SLC30A6: variants seen among roughly 807,000 people sequenced by gnomAD.
SLC30A6 encodes the protein solute carrier family 30 member 6, also known as zinc transporter 6.
In SLC30A6, 55 loss-of-function variants were observed where a neutral mutation model predicts 63.0. The ratio of observed to expected loss-of-function variants is 0.87; its 90% CI spans 0.70 to 1.09. The LOEUF is 1.09. Ranked by LOEUF, SLC30A6 falls within the 50% of genes least tolerant of loss-of-function variation. The pLI, the probability that SLC30A6 is intolerant of heterozygous loss-of-function variation, is 0.00. For synonymous variants in SLC30A6, 224 were observed against 186.1 expected, an observed-to-expected ratio of 1.20 and a Z score of -1.66; for missense variants, 587 against 549.2, an observed-to-expected ratio of 1.07 and a Z score of -0.69.
rs573229375 is a variant in SLC30A6, at chr2:32,169,260, C to A, written c.4-2027C>A. 8.3e-4 allele frequency among the ~76,000 whole-genome samples: 127 copies of A among 152,236 alleles called. 1 individual carries two copies. The highest frequency in any genetic ancestry group is 2.9e-3 in the African/African-American group (122 of 41,550). On this transcript the variant is annotated intron_variant, in intron 1 of 13. Coordinates refer to ENST00000282587, the MANE Select transcript of SLC30A6 (RefSeq NM_017964.5). ...TGAACCTGGCTCACTGCTTGACTTC[C>A]CGGGCTCATGCGATCCTTCCACCTT...
intron 13 of SLC30A6, 131 bp downstream of exon 13, chr2:32,209,692 A>T (rs1685087197): frequency 5.6e-6 from 4 of 716,036 alleles, no homozygotes; most frequent in Non-Finnish European, 8.9e-6. Flanking sequence ...AGAGTCTAAA[A>T]TGTACATGAA....
intron 2 of SLC30A6, among the ~76,000 whole-genome samples, chr2:32,172,529 T>C (rs1376902815): frequency 6.6e-6 from 1 of 152,092 alleles, no homozygotes; most frequent in African/African-American, 2.4e-5. Flanking sequence ...CATTTTCTTT[T>C]ATATGTTCTC....
intron 5 of SLC30A6, among the ~76,000 whole-genome samples, chr2:32,190,788 C>G (rs554216218): frequency 6.6e-6 from 1 of 152,258 alleles, no homozygotes; most frequent in South Asian, 2.1e-4. Context: ...CCACGCCCAG[C>G]TAATTTTTTG....
chr2:32,172,287 C>G (rs1681298813), intron 2 of SLC30A6, among the ~76,000 whole-genome samples: 1 of 152,188 alleles, frequency 6.6e-6, no homozygotes, highest in Non-Finnish European at 1.5e-5. Flanking sequence ...AATTGAAACT[C>G]TGCCATATTT....
chr2:32,174,463 G>T (rs1681529547), intron 3 of SLC30A6, among the ~76,000 whole-genome samples: 1 of 151,536 alleles, frequency 6.6e-6, no homozygotes, highest in Admixed American at 6.6e-5. Flanking sequence ...AGAGTGCTGG[G>T]ATTACAGGCG....
Position 32,175,316 on chromosome 2 carries a change from CA to C in SLC30A6, c.176-2del. ...TTTTAATCATTTTTTTGTTGTTTTG[CA>C]GCTTTAACTGCCTATACTTACCTGA... On this transcript the variant is annotated splice_acceptor_variant, in intron 3 of 13. Coordinates refer to ENST00000282587, the MANE Select transcript of SLC30A6 (RefSeq NM_017964.5). LOFTEE classifies it high-confidence loss of function. 6.2e-7 allele frequency: 1 copy of C among 1,609,342 alleles called. No individual in the cohort carries two copies. Among genetic ancestry groups the C allele is most frequent in the Non-Finnish European group, 8.5e-7 (1 of 1,178,624 alleles).
chr2:32,166,354 C>T (rs1680652007), intron 1 of SLC30A6, among the ~76,000 whole-genome samples: 1 of 151,668 alleles, frequency 6.6e-6, no homozygotes, highest in Non-Finnish European at 1.5e-5. Flanking sequence ...ACGTCTCACT[C>T]TGCAACTTGG....
chr2:32,187,076 C>T (rs545413557), intron 5 of SLC30A6: 11 of 403,176 alleles, frequency 2.7e-5, no homozygotes, highest in African/African-American at 6.3e-5. Context: ...ATTTATGTAA[C>T]CAAACTACTG....
In SLC30A6 at chr2:32,218,334, T is replaced by C. The variant is rs75666094; in HGVS notation, c.886-1879T>C. ...TTTTTCAAGTTAACAAATATACTTC[T>C]AACTCTCATTGTAATGCCTGGTGTT... On this transcript the variant is annotated intron_variant, in intron 13 of 13. Transcript: ENST00000282587. 6.0e-3 allele frequency among the ~76,000 whole-genome samples: 909 copies of C among 152,336 alleles called. 11 individuals carry two copies. The highest frequency in any genetic ancestry group is 0.02 in the African/African-American group (850 of 41,580).
chr2:32,171,418 A>T (rs765112957), intron 2 of SLC30A6, 45 bp downstream of exon 2: 4 of 1,425,006 alleles, frequency 2.8e-6, no homozygotes, highest in Middle Eastern at 3.5e-4. Flanking sequence ...CACAAACAAC[A>T]TTATAACATT....
chr2:32,186,235 AT>A, intron 5 of SLC30A6, among the ~76,000 whole-genome samples: 1 of 152,192 alleles, frequency 6.6e-6, no homozygotes, highest in Non-Finnish European at 1.5e-5. Context: ...GAGTGTCGCC[AT>A]GTTGGTCAAC....
chr2:32,194,126 T>C, intron 8 of SLC30A6, 143 bp downstream of exon 8: 1 of 537,172 alleles, frequency 1.9e-6, no homozygotes, highest in East Asian at 3.4e-5. Flanking sequence ...CTCAAGTCTT[T>C]TTTAAGTGGA....
At chr2:32,169,429 A>G (rs866635055) in intron 1 of SLC30A6, among the ~76,000 whole-genome samples, 1 of 152,220 alleles carries the variant, frequency 6.6e-6, no homozygotes, top group East Asian at 1.9e-4. Flanking sequence ...CTCCTGACTC[A>G]GTCACCCAAA....
chr2:32,171,680 GT>G (rs1475339809), intron 2 of SLC30A6, among the ~76,000 whole-genome samples: 1 of 141,718 alleles, frequency 7.1e-6, no homozygotes, highest in African/African-American at 2.6e-5. Flanking sequence ...CTAAAGCCAT[GT>G]TTTCTCTTTT....
Position 32,209,489 on chromosome 2 carries a change from G to GT in SLC30A6, c.817-3dup, listed in dbSNP as rs1685067859. ...CTCTGATCACCTCTTTCTGTTTTTG[G>GT]TAGGTATCTACCTTAGATGGAGTTT... On this transcript the variant is annotated splice_polypyrimidine_tract_variant and splice_region_variant and intron_variant, in intron 12 of 13. Coordinates refer to ENST00000282587, the MANE Select transcript of SLC30A6 (RefSeq NM_017964.5). 11 of 1,603,644 alleles carry GT rather than the reference G, an allele frequency of 6.9e-6. No homozygotes were observed. Among genetic ancestry groups the GT allele is most frequent in the Non-Finnish European group, 9.3e-6 (11 of 1,177,254 alleles).
intron 4 of SLC30A6, among the ~76,000 whole-genome samples, chr2:32,181,440 CAG>C (rs1363324398): frequency 6.6e-6 from 1 of 152,020 alleles, no homozygotes; most frequent in Non-Finnish European, 1.5e-5. Flanking sequence ...GAAAAATTTT[CAG>C]AGATTTTTAT....
chr2:32,217,175 G>C (rs1644834679), intron 13 of SLC30A6, among the ~76,000 whole-genome samples: 2 of 152,018 alleles, frequency 1.3e-5, no homozygotes, highest in South Asian at 2.1e-4. Flanking sequence ...TGGGATTACA[G>C]GGCATGAGCC....
chr2:32,213,758 C>A lies in SLC30A6; in HGVS notation c.885+4197C>A, dbSNP rs956174827. Among the ~76,000 whole-genome samples, 5 of 146,392 alleles carry A rather than the reference C, an allele frequency of 3.4e-5. No individual in the cohort carries two copies. The South Asian group carries it at 6.4e-4, about 19-fold the overall frequency. ...AAGTCCCTTAGTGAATATTTAGATT[C>A]TCTTCTATTTTTCCTATATTAACAG... On this transcript the variant is annotated intron_variant, in intron 13 of 13. Coordinates refer to ENST00000282587, the MANE Select transcript of SLC30A6 (RefSeq NM_017964.5).
At chr2:32,187,557 C>T (rs552537435) in intron 5 of SLC30A6, among the ~76,000 whole-genome samples, 58 of 152,288 alleles carry the variant, frequency 3.8e-4, no homozygotes, top group Non-Finnish European at 7.3e-4. Flanking sequence ...TGCAATCGAT[C>T]ACATAGCTGA....
Sources: gnomAD v4.1 joint callset for allele counts (sites outside exome capture counted in the v4.1 genomes callset) on GRCh38, gnomAD v4.1.1 for gene constraint, MANE v1.5 for transcripts, NCBI Gene and HGNC (gene_info 2026-07-23, HGNC 2026-07-21) for gene names.